Variants in SLC30A6 observed in about 807,000 individuals in gnomAD.
SLC30A6 encodes the protein solute carrier family 30 member 6.
A neutral mutation model predicts 63.0 loss-of-function variants in SLC30A6; 55 were observed. That is an observed-to-expected ratio of 0.87 (90% CI 0.70 to 1.09). The LOEUF is 1.09. SLC30A6 is among the 50% of genes least tolerant of loss of function. The pLI is 0.00. For missense variants in SLC30A6, 587 were observed against 549.2 expected, an observed-to-expected ratio of 1.07 and a Z score of -0.69; for synonymous variants, 224 against 186.1, an observed-to-expected ratio of 1.20 and a Z score of -1.66.
chr2:32,203,814 A>T (rs1329966646), intron 10 of SLC30A6: 1 of 1,449,758 alleles, frequency 6.9e-7, no homozygotes, highest in African/African-American at 1.4e-5. Flanking sequence ...ATAGAAACAC[A>T]TCTTCTAATT....
chr2:32,176,557 C>T (rs1681760501), intron 4 of SLC30A6, among the ~76,000 whole-genome samples: 1 of 150,874 alleles, frequency 6.6e-6, no homozygotes, highest in Non-Finnish European at 1.5e-5. Flanking sequence ...ACTCGGGAGG[C>T]TGAGGCAGGA....
chr2:32,207,103 G>A (rs1378121724), intron 12 of SLC30A6, among the ~76,000 whole-genome samples, 170 bp downstream of exon 12: 2 of 152,186 alleles, frequency 1.3e-5, no homozygotes, highest in Non-Finnish European at 2.9e-5. Context: ...GGAAAAATAT[G>A]AGGAATTGTT....
chr2:32,199,327 C>T (rs891738467), intron 10 of SLC30A6, among the ~76,000 whole-genome samples: 3 of 152,100 alleles, frequency 2.0e-5, no homozygotes, highest in African/African-American at 7.2e-5. Flanking sequence ...ATATCTGAGT[C>T]CTTCCTTTCA....
chr2:32,204,595 AT>A lies in SLC30A6; in HGVS notation c.675del (p.Phe225LeufsTer3). 6.2e-7 allele frequency: 1 copy of A among 1,608,246 alleles called. No individual in the cohort carries two copies. The highest frequency in any genetic ancestry group is 8.5e-7 in the Non-Finnish European group (1 of 1,176,042). On this transcript the variant is annotated frameshift_variant, in exon 11 of 14. Coordinates refer to ENST00000282587, the MANE Select transcript of SLC30A6 (RefSeq NM_017964.5). LOFTEE classifies it high-confidence loss of function. Reference sequence around the variant, plus strand: ...GAATTGTTTTTTCCTTTTAGTAATTATTTTGCCGTAGACACTGCCTCTGCTA... The same window carrying A: ...GAATTGTTTTTTCCTTTTAGTAATTATTTGCCGTAGACACTGCCTCTGCTA... ...ITYMLIEINN[Y>X]FAVDTASAIA... is the part of the protein sequence containing the mutation.
chr2:32,203,875 C>T lies in SLC30A6; in HGVS notation c.666-715C>T, dbSNP rs570033713. The T allele has an allele frequency of 2.8e-5, 29 of 1,050,430 alleles. No homozygotes were observed. In the African/African-American group the frequency reaches 3.0e-4, roughly 11 times the overall value. 65.1% of individuals were successfully genotyped at this position (1,050,430 alleles called of 1,614,324 possible). On this transcript the variant is annotated intron_variant, in intron 10 of 13. Coordinates refer to ENST00000282587, the MANE Select transcript of SLC30A6 (RefSeq NM_017964.5). ...TGGCCAGTCGGGCCGATCAGGTGGTCGATCTGGCAGCCGGTCAGTTAGACA... is the reference window on the plus strand; with the variant it reads ...TGGCCAGTCGGGCCGATCAGGTGGTTGATCTGGCAGCCGGTCAGTTAGACA...
chr2:32,219,757 A>G (rs995029908), intron 13 of SLC30A6, among the ~76,000 whole-genome samples: 32 of 152,130 alleles, frequency 2.1e-4, no homozygotes, highest in Admixed American at 1.5e-3. Flanking sequence ...ATATATTGGT[A>G]TTATTGCTTA....
chr2:32,201,374 G>T (rs573442253), intron 10 of SLC30A6, among the ~76,000 whole-genome samples: 3 of 152,292 alleles, frequency 2.0e-5, no homozygotes, highest in Non-Finnish European at 4.4e-5. Flanking sequence ...ATCTTACCTG[G>T]TGAAATTCCT....
chr2:32,186,476 AG>A (rs1682823934), intron 5 of SLC30A6, among the ~76,000 whole-genome samples: 1 of 152,220 alleles, frequency 6.6e-6, no homozygotes, highest in Non-Finnish European at 1.5e-5. Context: ...ACCTGAGGTC[AG>A]GAGTTTGAGA....
intron 1 of SLC30A6, among the ~76,000 whole-genome samples, chr2:32,166,166 T>G (rs1680630616): frequency 6.6e-6 from 1 of 152,190 alleles, no homozygotes; most frequent in Non-Finnish European, 1.5e-5. Flanking sequence ...GTTTCTGACT[T>G]CCCTCTGCCG....
intron 1 of SLC30A6, among the ~76,000 whole-genome samples, chr2:32,169,932 T>C (rs903384279): frequency 4.6e-5 from 7 of 152,230 alleles, no homozygotes; most frequent in Admixed American, 2.6e-4. Flanking sequence ...ATGTGTAACT[T>C]TTAAAACTGG....
At chr2:32,213,760 C>A (rs1406643489) in intron 13 of SLC30A6, among the ~76,000 whole-genome samples, 1 of 143,998 alleles carries the variant, frequency 6.9e-6, no homozygotes, top group African/African-American at 2.6e-5. Flanking sequence ...TTTAGATTCT[C>A]TTCTATTTTT....
At chr2:32,196,616 G>A (rs184195892) in intron 8 of SLC30A6, among the ~76,000 whole-genome samples, 32 of 152,264 alleles carry the variant, frequency 2.1e-4, no homozygotes, top group African/African-American at 7.5e-4. Flanking sequence ...TCCCAAACCT[G>A]AAAATTTAAA....
chr2:32,197,850 A>G, intron 10 of SLC30A6, 24 bp downstream of exon 10: 12 of 1,611,872 alleles, frequency 7.4e-6, no homozygotes, highest in Non-Finnish European at 1.0e-5. Context: ...ATTGTTGTCA[A>G]GTATGTTTTG....
chr2:32,207,221 A>ATT (rs199822262), intron 12 of SLC30A6, among the ~76,000 whole-genome samples: 1 of 149,028 alleles, frequency 6.7e-6, no homozygotes, highest in Admixed American at 6.7e-5. Flanking sequence ...TTATTTAGTT[A>ATT]TTTTTTTTTT....
At position 32,223,808 on chromosome 2, in the gene SLC30A6, T is replaced by C. The variant is rs1344220663; in HGVS notation, c.*3095T>C. 1.3e-5 allele frequency: 2 copies of C among 152,150 alleles called. No individual in the cohort carries two copies. Among genetic ancestry groups the C allele is most frequent in the African/African-American group, 4.8e-5 (2 of 41,444 alleles). The allele number at this position is 152,150 out of a possible 1,614,324, so 9.4% of individuals were successfully genotyped here. A position where few individuals can be genotyped will look rare whatever the true frequency, so the allele number is the denominator to read the frequency against. On this transcript the variant is annotated 3_prime_UTR_variant, in exon 14 of 14. Transcript: ENST00000282587. ...ATTTGGGGAAGTGTTGGAAAAAAGA[T>C]TAGGGCAGGGTACCCTTAGTTTATA...
intron 13 of SLC30A6, among the ~76,000 whole-genome samples, chr2:32,212,495 A>G (rs1346950734): frequency 2.0e-5 from 3 of 151,142 alleles, no homozygotes; most frequent in African/African-American, 4.9e-5. Flanking sequence ...GTGTGTACAA[A>G]TTCATGGGTC....
chr2:32,190,063 C>T (rs1683191010), intron 5 of SLC30A6, among the ~76,000 whole-genome samples: 1 of 152,100 alleles, frequency 6.6e-6, no homozygotes, highest in South Asian at 2.1e-4. Context: ...TTAACCATTT[C>T]CTGTTTTTCT....
chr2:32,166,469 TG>T (rs1185932147), intron 1 of SLC30A6, among the ~76,000 whole-genome samples: 1 of 152,246 alleles, frequency 6.6e-6, no homozygotes, highest in African/African-American at 2.4e-5. Context: ...GCTTTATTTC[TG>T]GGTTTGTAGA....
chr2:32,209,507 T>C lies in SLC30A6; in HGVS notation c.831T>C (p.Asp277=). The change falls in exon 13 of 14, where the codon GAT becomes GAC. Residue 277 remains aspartate (D), a synonymous_variant. Transcript: ENST00000282587. ...GTTTTTGGTAGGTATCTACCTTAGA[T>C]GGAGTTTTAGAAGTCCGAAATGAAC... ...DKLIREVSTL[D]GVLEVRNEHF... 1.2e-6 allele frequency: 2 copies of C among 1,612,774 alleles called. No individual in the cohort carries two copies. The highest frequency in any genetic ancestry group is 1.7e-6 in the Non-Finnish European group (2 of 1,179,638).
Sources: allele counts gnomAD v4.1 joint callset (sites outside exome capture counted in the v4.1 genomes callset), GRCh38; gene constraint gnomAD v4.1.1; transcripts MANE v1.5; gene names NCBI Gene and HGNC (gene_info 2026-07-23, HGNC 2026-07-21).